WNT3: variants seen among roughly 807,000 people sequenced by gnomAD.
WNT3 encodes proto-oncogene Wnt-3.
Under a neutral mutation model 34.2 loss-of-function variants are expected in WNT3, and 7 were observed. That is an observed-to-expected ratio of 0.20 (90% CI 0.12 to 0.38). The LOEUF is 0.38. WNT3 is among the 10% of genes least tolerant of loss of function. The pLI, the probability that WNT3 is intolerant of heterozygous loss-of-function variation, is 1.00. For synonymous variants in WNT3, 212 were observed against 211.5 expected, an observed-to-expected ratio of 1.00 and a Z score of -0.02; for missense variants, 267 against 499.8, an observed-to-expected ratio of 0.53 and a Z score of 4.44.
chr17:46,768,237 G>A lies in WNT3; in HGVS notation c.*8+75C>T. 1.9e-6 allele frequency: 3 copies of A among 1,594,726 alleles called. 1 individual carries two copies. The highest frequency in any genetic ancestry group is 2.2e-5 in the South Asian group (2 of 90,094). On this transcript the variant is annotated intron_variant, in intron 4 of 4. Coordinates refer to ENST00000225512, the MANE Select transcript of WNT3 (RefSeq NM_030753.5). The surrounding 1 kb of genome is among the most constrained non-coding windows in gnomAD (Gnocchi z 5.0). ...CTTAGAAACAGAAGGGGGTCGTCAA[G>A]AAGACGAGATGGGCAAACAACCCCA...
intron 1 of WNT3, among the ~76,000 whole-genome samples, chr17:46,814,393 G>A (rs1275351800): frequency 9.9e-5 from 15 of 152,110 alleles, no homozygotes; most frequent in Admixed American, 7.9e-4. Context: ...CCAACAGATC[G>A]GCCACCAATT....
Position 46,818,558 on chromosome 17 carries a change from G to GCAC in WNT3, c.39_40insGTG (p.Leu13_Leu14insVal), listed in dbSNP as rs1221939804. On this transcript the variant is annotated inframe_insertion, in exon 1 of 5. Transcript: ENST00000225512. ...CCAGCGAGGACCCTGGTGCCACCGA[G>GCAC]CAGGAGGCCGAGGAGCAGCCCGAGC... is the stretch of plus-strand genomic sequence containing the variant. 6.2e-7 allele frequency: 1 copy of GCAC among 1,609,062 alleles called. No individual in the cohort carries two copies. Among genetic ancestry groups the GCAC allele is most frequent in the Non-Finnish European group, 8.5e-7 (1 of 1,178,450 alleles).
rs187110649 is a variant in WNT3, at chr17:46,818,446, C to G, written c.80+72G>C. ...CCCCAGCCCTGCAGCGGCCCACCCC[C>G]AGCCGGCGCCCCCACCTTCCCCGGA... On this transcript the variant is annotated intron_variant, in intron 1 of 4. Transcript: ENST00000225512. The G allele has an allele frequency of 0.01, 15,469 of 1,496,960 alleles. 1,018 individuals carry two copies. The East Asian group carries it at 0.15, about 14-fold the overall frequency. 92.7% of individuals were successfully genotyped at this position (1,496,960 alleles called of 1,614,324 possible).
At chr17:46,795,278 G>A (rs1447577303) in intron 1 of WNT3, among the ~76,000 whole-genome samples, 4 of 152,126 alleles carry the variant, frequency 2.6e-5, no homozygotes, top group Admixed American at 6.5e-5. Flanking sequence ...CTCTACCGGC[G>A]CCCCATGTCT....
chr17:46,810,136 A>T (rs1264044674), intron 1 of WNT3, among the ~76,000 whole-genome samples: 1 of 150,508 alleles, frequency 6.6e-6, no homozygotes, highest in African/African-American at 2.4e-5. Flanking sequence ...CCTTCCGAGT[A>T]GCTGGGATTA....
At chr17:46,811,524 C>T (rs976387142) in intron 1 of WNT3, among the ~76,000 whole-genome samples, 4 of 152,260 alleles carry the variant, frequency 2.6e-5, no homozygotes, top group Admixed American at 6.5e-5. Context: ...AGCCTCTGAG[C>T]GCAGGACCTT....
chr17:46,772,169 C>G (rs2059379958), intron 2 of WNT3, among the ~76,000 whole-genome samples: 2 of 152,196 alleles, frequency 1.3e-5, no homozygotes, highest in Admixed American at 6.5e-5. Flanking sequence ...GGGCACCGAC[C>G]GGGGCGCGTA....
At chr17:46,787,822 G>C (rs2059523314) in intron 1 of WNT3, among the ~76,000 whole-genome samples, 2 of 152,172 alleles carry the variant, frequency 1.3e-5, no homozygotes, top group African/African-American at 4.8e-5. Flanking sequence ...CAGGCGTGGT[G>C]GTGGGCACCT....
At chr17:46,799,046 CAAA>C (rs35108068) in intron 1 of WNT3, among the ~76,000 whole-genome samples, 4 of 93,268 alleles carry the variant, frequency 4.3e-5, no homozygotes, top group Non-Finnish European at 2.1e-5. Flanking sequence ...GACTCCGTCT[CAAA>C]AAAAAAAAAA....
At chr17:46,794,754 T>TC in intron 1 of WNT3, among the ~76,000 whole-genome samples, 5 of 34,718 alleles carry the variant, frequency 1.4e-4, no homozygotes, top group African/African-American at 4.9e-4. Flanking sequence ...TTCTTTTTCT[T>TC]TTTTTTTTTT....
At chr17:46,798,576 C>T (rs1826065301) in intron 1 of WNT3, among the ~76,000 whole-genome samples, 1 of 152,226 alleles carries the variant, frequency 6.6e-6, no homozygotes, top group African/African-American at 2.4e-5. Context: ...CCTCTCTCGC[C>T]TAAAGGTTGG....
chr17:46,810,386 G>C (rs2084257997), intron 1 of WNT3, among the ~76,000 whole-genome samples: 1 of 152,178 alleles, frequency 6.6e-6, no homozygotes, highest in South Asian at 2.1e-4. Context: ...GTGTCCTCAG[G>C]AAGGAGTCCT....
intron 1 of WNT3, among the ~76,000 whole-genome samples, chr17:46,810,447 G>A (rs1598798614): frequency 6.6e-6 from 1 of 152,280 alleles, no homozygotes; most frequent in East Asian, 1.9e-4. Flanking sequence ...CCCTGGCAGA[G>A]GGCACAGAGG....
intron 1 of WNT3, among the ~76,000 whole-genome samples, chr17:46,784,173 G>A (rs1235127291): frequency 6.6e-6 from 1 of 152,176 alleles, no homozygotes; most frequent in African/African-American, 2.4e-5. Flanking sequence ...ATAAGGACTG[G>A]TAGCCGTTTG....
intron 1 of WNT3, among the ~76,000 whole-genome samples, chr17:46,815,375 T>C (rs2084327266): frequency 6.6e-6 from 1 of 152,086 alleles, no homozygotes; most frequent in South Asian, 2.1e-4. Flanking sequence ...AGGACTGGGG[T>C]CTGAGCAGTG....
chr17:46,784,920 C>T (rs2059490373), intron 1 of WNT3, among the ~76,000 whole-genome samples: 1 of 152,070 alleles, frequency 6.6e-6, no homozygotes. Flanking sequence ...GGACTACAGG[C>T]ACCCGCCACC....
At chr17:46,814,505 C>T (rs1240761247) in intron 1 of WNT3, among the ~76,000 whole-genome samples, 1 of 152,190 alleles carries the variant, frequency 6.6e-6, no homozygotes, top group African/African-American at 2.4e-5. Context: ...CGCCATATCC[C>T]CCCCAGGGAA....
At chr17:46,769,739 G>T (rs2059346926) in intron 3 of WNT3, 44 bp downstream of exon 3, 2 of 1,601,906 alleles carry the variant, frequency 1.2e-6, no homozygotes, top group African/African-American at 2.7e-5. Flanking sequence ...AGGGGAAGCG[G>T]GGGGCTGCTC....
chr17:46,772,651 A>G (rs1216317659), intron 2 of WNT3, among the ~76,000 whole-genome samples: 1 of 152,152 alleles, frequency 6.6e-6, no homozygotes, highest in Non-Finnish European at 1.5e-5. Context: ...TTTGCTAATT[A>G]CCCTCCTGTC....
Sources: allele counts gnomAD v4.1 joint callset (sites outside exome capture counted in the v4.1 genomes callset), GRCh38; gene constraint gnomAD v4.1.1; non-coding constraint Gnocchi (gnomAD v3.1); transcripts MANE v1.5; gene names NCBI Gene and HGNC (gene_info 2026-07-23, HGNC 2026-07-21).